ANK2: variants seen among roughly 807,000 people sequenced by gnomAD.
ANK2 encodes the protein ankyrin-2.
In ANK2, 83 loss-of-function variants were observed where a neutral mutation model predicts 360.5. That is an observed-to-expected ratio of 0.23 (90% CI 0.19 to 0.28). The LOEUF (loss-of-function observed/expected upper bound fraction) is 0.28, where lower values mean the gene tolerates loss of function less well. ANK2 is among the 10% of genes least tolerant of loss of function. The probability of loss-of-function intolerance (pLI) is 1.00; values close to 1 mark genes in which losing one functional copy is unlikely to be tolerated. For synonymous variants in ANK2, 1,740 were observed against 1,759.5 expected, an observed-to-expected ratio of 0.99 and a Z score of 0.28; for missense variants, 4,201 against 4,795.7, an observed-to-expected ratio of 0.88 and a Z score of 3.66.
chr4:113,065,866 G>A (rs577362972), intron 1 of ANK2, among the ~76,000 whole-genome samples: 2 of 152,096 alleles, frequency 1.3e-5, no homozygotes, highest in Non-Finnish European at 2.9e-5. Flanking sequence ...AGAACTTGTC[G>A]TACCGGTGCT....
the ANK2 span, among the ~76,000 whole-genome samples, chr4:112,775,026 G>T: frequency 6.6e-6 from 1 of 152,112 alleles, no homozygotes; most frequent in Non-Finnish European, 1.5e-5. Context: ...CCCTCTTCTC[G>T]TGGGTTTTGT....
intron 2 of ANK2, among the ~76,000 whole-genome samples, chr4:113,018,814 C>T (rs959642943): frequency 3.3e-5 from 5 of 152,166 alleles, no homozygotes; most frequent in African/African-American, 7.2e-5. Flanking sequence ...CCTTGAGATA[C>T]GGATAAACAG....
chr4:113,308,294 G>C (rs1340610469), intron 23 of ANK2, among the ~76,000 whole-genome samples: 3 of 152,214 alleles, frequency 2.0e-5, no homozygotes, highest in Admixed American at 1.3e-4. Context: ...TTTTCAAAGA[G>C]AAGCACATTG....
At chr4:113,058,843 T>C (rs1014920365) in intron 1 of ANK2, among the ~76,000 whole-genome samples, 28 of 152,210 alleles carry the variant, frequency 1.8e-4, no homozygotes, top group African/African-American at 6.3e-4. Flanking sequence ...TTAATGTGAA[T>C]GTCTGTCTTA....
intron 2 of ANK2, among the ~76,000 whole-genome samples, chr4:113,001,025 C>G (rs1213546095): frequency 5.2e-5 from 3 of 57,570 alleles, no homozygotes; most frequent in Admixed American, 2.5e-4. Context: ...TTGTCACTTC[C>G]TTTCTTTTTC....
At chr4:113,049,244 C>G (rs1230263938), upstream of ANK2, among the ~76,000 whole-genome samples, 2 of 152,148 alleles carry the variant, frequency 1.3e-5, no homozygotes, top group African/African-American at 4.8e-5. Context: ...TATTAATAAC[C>G]AATCCTTTTC....
chr4:113,177,301 C>T (rs903318096), intron 2 of ANK2, among the ~76,000 whole-genome samples: 10 of 151,990 alleles, frequency 6.6e-5, no homozygotes, highest in Non-Finnish European at 1.0e-4. Flanking sequence ...AGGATGGTCT[C>T]GATCTCCTGA....
intron 1 of ANK2, among the ~76,000 whole-genome samples, chr4:113,069,211 G>A (rs1005263609): frequency 6.6e-6 from 1 of 152,180 alleles, no homozygotes; most frequent in Non-Finnish European, 1.5e-5. Flanking sequence ...TCAGTGAGGA[G>A]AGGAGAACGC....
At chr4:113,296,481 T>C (rs988576063) in intron 22 of ANK2, among the ~76,000 whole-genome samples, 2 of 152,194 alleles carry the variant, frequency 1.3e-5, no homozygotes, top group African/African-American at 4.8e-5. Flanking sequence ...GTAGTCCTTT[T>C]GATCAAAGAA....
At chr4:113,054,905 T>C (rs759439071) in intron 1 of ANK2, among the ~76,000 whole-genome samples, 2 of 152,214 alleles carry the variant, frequency 1.3e-5, no homozygotes, top group African/African-American at 2.4e-5. Context: ...TTTCATGTCT[T>C]AGTAATAACT....
At chr4:112,839,109 C>A (rs947139147) in intron 1 of ANK2, among the ~76,000 whole-genome samples, 7 of 152,200 alleles carry the variant, frequency 4.6e-5, no homozygotes, top group African/African-American at 1.7e-4. Flanking sequence ...ACATTTTGCA[C>A]CCCTCGTTTG....
intron 24 of ANK2, among the ~76,000 whole-genome samples, chr4:113,317,219 G>A (rs924234694): frequency 2.6e-5 from 4 of 152,190 alleles, no homozygotes; most frequent in African/African-American, 9.7e-5. Flanking sequence ...GGAGGAGAAA[G>A]AGGCATAGAG....
At chr4:112,751,539 C>A in the ANK2 span, among the ~76,000 whole-genome samples, 1 of 150,926 alleles carries the variant, frequency 6.6e-6, no homozygotes, top group East Asian at 1.9e-4. Flanking sequence ...CAGGAAATGT[C>A]AGGGAAAACT....
chr4:113,027,607 G>A (rs986167951), intron 2 of ANK2, among the ~76,000 whole-genome samples: 15 of 152,104 alleles, frequency 9.9e-5, no homozygotes, highest in Admixed American at 7.2e-4. Context: ...CTAAGGAAGA[G>A]CTCATGTCCC....
At chr4:113,372,756 A>G in intron 43 of ANK2, 1 of 682,198 alleles carries the variant, frequency 1.5e-6, no homozygotes, top group Non-Finnish European at 2.5e-6. Context: ...AGATCCCTTA[A>G]CTCTCATAAG....
intron 9 of ANK2, among the ~76,000 whole-genome samples, chr4:113,244,576 C>A (rs2041842703): frequency 6.6e-6 from 1 of 152,130 alleles, no homozygotes; most frequent in Non-Finnish European, 1.5e-5. Context: ...CTGGTTCCAG[C>A]ACACCCCAGG....
the ANK2 span, among the ~76,000 whole-genome samples, chr4:112,731,939 C>T: frequency 1.5e-3 from 222 of 152,156 alleles, 1 homozygote; most frequent in African/African-American, 5.0e-3. Context: ...AACAGGTGTG[C>T]GGCACCATGC....
At chr4:113,059,650 T>C (rs2072106788) in intron 1 of ANK2, among the ~76,000 whole-genome samples, 1 of 152,056 alleles carries the variant, frequency 6.6e-6, no homozygotes, top group African/African-American at 2.4e-5. Context: ...TTCCACACAG[T>C]CTATGATTCA....
At chr4:112,760,753 C>T in the ANK2 span, among the ~76,000 whole-genome samples, 2 of 150,872 alleles carry the variant, frequency 1.3e-5, no homozygotes, top group Non-Finnish European at 2.9e-5. Flanking sequence ...TCTTATTTTT[C>T]GATATATTAA....
Sources: allele counts gnomAD v4.1 joint callset (sites outside exome capture counted in the v4.1 genomes callset), GRCh38; gene constraint gnomAD v4.1.1; transcripts MANE v1.5; gene names NCBI Gene and HGNC (gene_info 2026-07-23, HGNC 2026-07-21).